The following TENM3 variants were observed in gnomAD, a reference collection of about 807,000 sequenced individuals.
TENM3 encodes the protein teneurin-3.
Under a neutral mutation model 255.1 loss-of-function variants are expected in TENM3, and 63 were observed. That is an observed-to-expected ratio of 0.25 (90% CI 0.20 to 0.30). TENM3 has a LOEUF of 0.30. Among genes scored for constraint, TENM3 ranks in the 10% least tolerant of loss-of-function variants. TENM3 has a pLI of 1.00. For missense variants in TENM3, 2,929 were observed against 3,461.1 expected (o/e 0.85, Z 3.86); for synonymous variants, 1,306 against 1,322.3 (o/e 0.99, Z 0.27).
chr4:181,751,820 G>T, the TENM3 span, among the ~76,000 whole-genome samples: 1 of 152,106 alleles, frequency 6.6e-6, no homozygotes, highest in Non-Finnish European at 1.5e-5. Context: ...AGTTTTGATT[G>T]AGAATTTTTG....
intron 3 of TENM3, among the ~76,000 whole-genome samples, chr4:182,525,294 A>G (rs1739041739): frequency 6.6e-6 from 1 of 152,250 alleles, no homozygotes. Context: ...ATTAAAAACA[A>G]AAACAAGCTA....
At chr4:181,689,134 C>T in the TENM3 span, among the ~76,000 whole-genome samples, 2,796 of 152,260 alleles carry the variant, frequency 0.018, 40 homozygotes, top group South Asian at 0.029. Flanking sequence ...GCGATGACGC[C>T]GCCCCACATG....
chr4:181,556,198 T>G, the TENM3 span, among the ~76,000 whole-genome samples: 1,039 of 152,326 alleles, frequency 6.8e-3, 11 homozygotes, highest in African/African-American at 0.024. Context: ...ATTTTGTATT[T>G]TCTTCCTTAA....
chr4:181,547,564 G>C, the TENM3 span, among the ~76,000 whole-genome samples: 1 of 152,086 alleles, frequency 6.6e-6, no homozygotes, highest in Non-Finnish European at 1.5e-5. Context: ...AAGTAAAACT[G>C]TTGTGGAATT....
intron 1 of TENM3, among the ~76,000 whole-genome samples, chr4:182,249,169 C>A (rs931603322): frequency 6.6e-6 from 1 of 152,176 alleles, no homozygotes. Context: ...CCCACACCAC[C>A]AGCTGTGGAA....
At chr4:182,206,871 G>C (rs74611488) in intron 1 of TENM3, among the ~76,000 whole-genome samples, 4 of 152,030 alleles carry the variant, frequency 2.6e-5, no homozygotes, top group East Asian at 1.9e-4. Flanking sequence ...CAAAATTCCC[G>C]TTCTTTCTTT....
Position 182,793,375 on chromosome 4 carries a change from C to T in TENM3, c.6703C>T (p.Arg2235Cys). ...VIYRYDGLGR[R>C]VSSKTSLGQH... ...CTACCGTTATGACGGCCTGGGAAGG[C>T]GTGTTTCTAGCAAAACCAGTCTAGG... The change falls in exon 26 of 28, where the codon CGT becomes TGT. Residue 2235 changes from arginine to cysteine, a missense_variant. By Grantham distance (180) the Arg-to-Cys change is radical. Coordinates refer to ENST00000511685, the MANE Select transcript of TENM3 (RefSeq NM_001080477.4). This position sits in a 1 kb window ranked among gnomAD's most constrained non-coding sequence, Gnocchi z 5.7. 1 of 1,613,778 alleles carries T rather than the reference C, an allele frequency of 6.2e-7. No individual in the cohort carries two copies. The highest frequency in any genetic ancestry group is 8.5e-7 in the Non-Finnish European group (1 of 1,179,752).
intron 1 of TENM3, among the ~76,000 whole-genome samples, chr4:182,181,783 T>C (rs1752853514): frequency 1.3e-5 from 2 of 152,236 alleles, no homozygotes; most frequent in Admixed American, 6.5e-5. Context: ...TTTACTTTCA[T>C]AGTGCATTTG....
chr4:181,759,816 A>G, the TENM3 span, among the ~76,000 whole-genome samples: 2 of 151,898 alleles, frequency 1.3e-5, no homozygotes, highest in Non-Finnish European at 2.9e-5. Context: ...ATAAACAATT[A>G]CATCATACTT....
chr4:182,699,671 T>C (rs1226818953), intron 12 of TENM3, among the ~76,000 whole-genome samples: 2 of 152,214 alleles, frequency 1.3e-5, no homozygotes, highest in African/African-American at 4.8e-5. Context: ...ATAAGTTGTT[T>C]TTTAAAAAGT....
At chr4:181,590,033 A>G in the TENM3 span, among the ~76,000 whole-genome samples, 1 of 152,198 alleles carries the variant, frequency 6.6e-6, no homozygotes, top group Admixed American at 6.5e-5. Context: ...GCCTCTTCTC[A>G]AATCCTGCAA....
At chr4:182,450,373 C>G (rs2151314088) in intron 3 of TENM3, among the ~76,000 whole-genome samples, 1 of 152,234 alleles carries the variant, frequency 6.6e-6, no homozygotes, top group South Asian at 2.1e-4. Flanking sequence ...GCAGCATGTA[C>G]TGGTCTGTGC....
chr4:182,347,787 C>T (rs898143666), intron 3 of TENM3, among the ~76,000 whole-genome samples: 3 of 152,100 alleles, frequency 2.0e-5, no homozygotes, highest in East Asian at 1.9e-4. Context: ...ATTCTCCTTC[C>T]GCTTTTAATA....
chr4:181,835,516 G>A, the TENM3 span, among the ~76,000 whole-genome samples: 1 of 152,142 alleles, frequency 6.6e-6, no homozygotes, highest in Non-Finnish European at 1.5e-5. Context: ...ATCACAAAAA[G>A]ACAACTTACC....
At chr4:182,513,210 C>T (rs1424883783) in intron 3 of TENM3, among the ~76,000 whole-genome samples, 1 of 152,052 alleles carries the variant, frequency 6.6e-6, no homozygotes, top group Non-Finnish European at 1.5e-5. Flanking sequence ...GCAAAGTTTT[C>T]CTGCTATTAA....
At chr4:182,658,019 C>T (rs1045222288) in intron 6 of TENM3, among the ~76,000 whole-genome samples, 1 of 152,094 alleles carries the variant, frequency 6.6e-6, no homozygotes, top group Non-Finnish European at 1.5e-5. Context: ...TTCTGTTTAC[C>T]CCCTTACAGT....
chr4:182,085,431 A>AT, the TENM3 span, among the ~76,000 whole-genome samples: 45 of 151,716 alleles, frequency 3.0e-4, no homozygotes, highest in African/African-American at 8.2e-4. Context: ...ATTACACACG[A>AT]TTTTTTTTTA....
At chr4:182,671,771 A>G (rs1402298970) in intron 6 of TENM3, among the ~76,000 whole-genome samples, 1 of 152,208 alleles carries the variant, frequency 6.6e-6, no homozygotes, top group East Asian at 1.9e-4. Flanking sequence ...CTCCCTTATC[A>G]CTGAGATGAG....
At chr4:182,735,892 C>A (rs1299332828) in intron 16 of TENM3, among the ~76,000 whole-genome samples, 1 of 152,028 alleles carries the variant, frequency 6.6e-6, no homozygotes, top group Non-Finnish European at 1.5e-5. Flanking sequence ...TCAGCATACA[C>A]TGACTGGTAA....
Sources: allele counts gnomAD v4.1 joint callset (sites outside exome capture counted in the v4.1 genomes callset), GRCh38; gene constraint gnomAD v4.1.1; non-coding constraint Gnocchi (gnomAD v3.1); transcripts MANE v1.5; gene names NCBI Gene and HGNC (gene_info 2026-07-23, HGNC 2026-07-21).